TBC1D19: variants seen among roughly 807,000 people sequenced by gnomAD.
The protein encoded by TBC1D19 is TBC1 domain family member 19, also known as TBC1 domain family, member 19.
Under a neutral mutation model 89.0 loss-of-function variants are expected in TBC1D19, and 60 were observed. The ratio of observed to expected loss-of-function variants is 0.67; its 90% CI spans 0.55 to 0.84. The LOEUF (loss-of-function observed/expected upper bound fraction) is 0.84, where lower values mean the gene tolerates loss of function less well. Among genes scored for constraint, TBC1D19 ranks in the 40% least tolerant of loss-of-function variants. The pLI, the probability that TBC1D19 is intolerant of heterozygous loss-of-function variation, is 0.00. For missense variants in TBC1D19, 500 were observed against 610.8 expected, an observed-to-expected ratio of 0.82 and a Z score of 1.91; for synonymous variants, 189 against 199.7, an observed-to-expected ratio of 0.95 and a Z score of 0.45.
intron 13 of TBC1D19, among the ~76,000 whole-genome samples, chr4:26,717,313 T>C (rs1185868481): frequency 6.6e-6 from 1 of 152,012 alleles, no homozygotes; most frequent in Non-Finnish European, 1.5e-5. Flanking sequence ...TGCTCCCAAA[T>C]TCCAGGCTGG....
chr4:26,716,124 C>T (rs1005791131), intron 13 of TBC1D19, among the ~76,000 whole-genome samples: 2 of 152,022 alleles, frequency 1.3e-5, no homozygotes, highest in Non-Finnish European at 2.9e-5. Flanking sequence ...ATCATATTTG[C>T]TATTTGTTAC....
chr4:26,631,916 A>G (rs1054296265), intron 4 of TBC1D19, among the ~76,000 whole-genome samples: 3 of 152,056 alleles, frequency 2.0e-5, no homozygotes, highest in Admixed American at 6.6e-5. Context: ...TTTTCTCTAT[A>G]TATTACATCT....
chr4:26,596,454 TCG>T (rs1740218307), intron 1 of TBC1D19, among the ~76,000 whole-genome samples: 1 of 134,150 alleles, frequency 7.5e-6, no homozygotes, highest in Non-Finnish European at 1.6e-5. Context: ...TAATGGTAAC[TCG>T]TGTGTGTGTG....
At chr4:26,838,246 T>G in the TBC1D19 span, among the ~76,000 whole-genome samples, 1 of 152,150 alleles carries the variant, frequency 6.6e-6, no homozygotes. Context: ...TGGACGTATG[T>G]ATACGAAGCT....
chr4:26,740,358 G>A (rs1718285769), intron 17 of TBC1D19, among the ~76,000 whole-genome samples: 1 of 152,192 alleles, frequency 6.6e-6, no homozygotes, highest in Non-Finnish European at 1.5e-5. Context: ...TGTAGTTAGT[G>A]CTTGGCTCCT....
At chr4:26,640,987 A>G (rs1743468608) in intron 7 of TBC1D19, among the ~76,000 whole-genome samples, 1 of 152,224 alleles carries the variant, frequency 6.6e-6, no homozygotes, top group South Asian at 2.1e-4. Flanking sequence ...GCTGAACAAA[A>G]GGCAGCAGAC....
the TBC1D19 span, among the ~76,000 whole-genome samples, chr4:26,817,725 T>C: frequency 2.0e-5 from 3 of 152,046 alleles, no homozygotes; most frequent in Non-Finnish European, 2.9e-5. Context: ...CCCAGCACTT[T>C]GGGAGGCTGA....
At chr4:26,782,785 G>C in the TBC1D19 span, among the ~76,000 whole-genome samples, 1 of 150,016 alleles carries the variant, frequency 6.7e-6, no homozygotes, top group South Asian at 2.1e-4. Flanking sequence ...AGAAAACAGA[G>C]CATACTATAT....
chr4:26,832,292 C>T, the TBC1D19 span, among the ~76,000 whole-genome samples: 6 of 152,274 alleles, frequency 3.9e-5, no homozygotes, highest in African/African-American at 1.2e-4. Flanking sequence ...CTTCCCTGAT[C>T]CTCCACAGGT....
the TBC1D19 span, among the ~76,000 whole-genome samples, chr4:26,812,018 T>A: frequency 6.6e-6 from 1 of 152,156 alleles, no homozygotes; most frequent in Non-Finnish European, 1.5e-5. The surrounding 1 kb of genome is among the most constrained non-coding windows in gnomAD (Gnocchi z 4.2). Flanking sequence ...TTTACCCAGC[T>A]CCTATTCAAG....
intron 13 of TBC1D19, among the ~76,000 whole-genome samples, chr4:26,690,241 G>A (rs1233638382): frequency 6.6e-6 from 1 of 152,162 alleles, no homozygotes; most frequent in Admixed American, 6.6e-5. Flanking sequence ...AGCTAGCAAA[G>A]GTTGGTTTAT....
At chr4:26,790,197 G>A in the TBC1D19 span, among the ~76,000 whole-genome samples, 3 of 152,038 alleles carry the variant, frequency 2.0e-5, no homozygotes, top group Non-Finnish European at 4.4e-5. Flanking sequence ...AAACTTTCTG[G>A]GTGGTCCTCC....
intron 11 of TBC1D19, among the ~76,000 whole-genome samples, 199 bp from the exon 12 acceptor site, chr4:26,683,476 G>T: frequency 6.6e-6 from 1 of 152,146 alleles, no homozygotes; most frequent in Non-Finnish European, 1.5e-5. Flanking sequence ...TACTCACCAG[G>T]TGCCAGATGT....
chr4:26,827,997 G>A, the TBC1D19 span, among the ~76,000 whole-genome samples: 2 of 152,110 alleles, frequency 1.3e-5, no homozygotes, highest in Non-Finnish European at 2.9e-5. Context: ...CAGATGCTTT[G>A]ACAGCTATGG....
chr4:26,710,299 G>T (rs541617988), intron 13 of TBC1D19, among the ~76,000 whole-genome samples: 1 of 152,050 alleles, frequency 6.6e-6, no homozygotes, highest in South Asian at 2.1e-4. Flanking sequence ...TTTTGTCCTT[G>T]TGATAGTTTG....
intron 9 of TBC1D19, among the ~76,000 whole-genome samples, chr4:26,668,548 G>A (rs1244730849): frequency 6.6e-6 from 1 of 151,942 alleles, no homozygotes; most frequent in Non-Finnish European, 1.5e-5. Flanking sequence ...GGTATTTGCT[G>A]TTATTACATT....
the TBC1D19 span, among the ~76,000 whole-genome samples, chr4:26,844,723 GT>G: frequency 6.6e-6 from 1 of 152,110 alleles, no homozygotes. Flanking sequence ...ATATTTTCCT[GT>G]TTTTTCCTTT....
chr4:26,593,159 G>C (rs1739939793), intron 1 of TBC1D19, among the ~76,000 whole-genome samples: 1 of 152,192 alleles, frequency 6.6e-6, no homozygotes. Flanking sequence ...CAATGGAACA[G>C]AACAGAGGCC....
Position 26,703,821 on chromosome 4 carries a change from C to T in TBC1D19, c.955-14112C>T, listed in dbSNP as rs1560484322. On this transcript the variant is annotated intron_variant, in intron 13 of 20. Transcript: ENST00000264866. Reference sequence around the variant, plus strand: ...ACAAAAAAAAAAAAAATTAGCTGGGCGTGGTGGCGGGCGCCTGTAGTCCCA... The same window carrying T: ...ACAAAAAAAAAAAAAATTAGCTGGGTGTGGTGGCGGGCGCCTGTAGTCCCA... Among the ~76,000 whole-genome samples the T allele has an allele frequency of 4.0e-5, 6 of 151,456 alleles. No homozygotes were observed. The East Asian group carries it at 5.8e-4, about 15-fold the overall frequency.
Sources: allele counts gnomAD v4.1 joint callset (sites outside exome capture counted in the v4.1 genomes callset), GRCh38; gene constraint gnomAD v4.1.1; non-coding constraint Gnocchi (gnomAD v3.1); transcripts MANE v1.5; gene names NCBI Gene and HGNC (gene_info 2026-07-23, HGNC 2026-07-21).